ABHD12B: variants seen among roughly 807,000 people sequenced by gnomAD.
ABHD12B encodes protein ABHD12B.
A neutral mutation model predicts 50.4 loss-of-function variants in ABHD12B; 42 were observed. The observed-to-expected ratio is 0.83, with a 90% confidence interval of 0.65 to 1.08. ABHD12B has a LOEUF of 1.08. Ranked by LOEUF, ABHD12B falls within the 50% of genes least tolerant of loss-of-function variation. The pLI, the probability that ABHD12B is intolerant of heterozygous loss-of-function variation, is 0.00. For synonymous variants in ABHD12B, 167 were observed against 160.3 expected (o/e 1.04, Z -0.32); for missense variants, 479 against 447.7 (o/e 1.07, Z -0.63).
In ABHD12B at chr14:50,896,449, G is replaced by A. The variant is rs1465985176; in HGVS notation, c.781-5380G>A. 2.0e-5 allele frequency among the ~76,000 whole-genome samples: 3 copies of A among 152,204 alleles called. 1 individual carries two copies. Among genetic ancestry groups the A allele is most frequent in the South Asian group, 4.2e-4 (2 of 4,816 alleles). ...CATCCCCTGTGACTTGCACATATAC[G>A]CCCAGATGGCCTGAAGTAACTGAAG... is the stretch of plus-strand genomic sequence containing the variant. On this transcript the variant is annotated intron_variant, in intron 9 of 12. Transcript: ENST00000337334.
Position 50,872,170 on chromosome 14 carries a change from G to A in ABHD12B, c.-5G>A, listed in dbSNP as rs926666508. 5 of 1,329,626 alleles carry A rather than the reference G, an allele frequency of 3.8e-6. No individual in the cohort carries two copies. The highest frequency in any genetic ancestry group is 1.9e-5 in the South Asian group (1 of 52,838). The allele number at this position is 1,329,626 out of a possible 1,614,324, so 82.4% of individuals were successfully genotyped here. On this transcript the variant is annotated 5_prime_UTR_variant, in exon 1 of 13. Coordinates refer to ENST00000337334, the MANE Select transcript of ABHD12B (RefSeq NM_001206673.2). ...CGGTGGCGGCGTATCGGGACACGGC[G>A]CGGGATGGACGCGCAGGACTGCCAG...
intron 2 of ABHD12B, 137 bp downstream of exon 2, chr14:50,878,216 T>G (rs1312949376): frequency 2.5e-6 from 2 of 786,850 alleles, no homozygotes; most frequent in African/African-American, 3.5e-5. Flanking sequence ...TGAAACTTAT[T>G]TAATATTGAC....
chr14:50,877,411 G>C (rs747749596), intron 1 of ABHD12B, among the ~76,000 whole-genome samples: 19 of 152,182 alleles, frequency 1.2e-4, no homozygotes, highest in Non-Finnish European at 2.5e-4. Flanking sequence ...GCTACAGTAA[G>C]GGACCAAACC....
chr14:50,876,085 G>GGTTTTGA (rs1206398611), intron 1 of ABHD12B, among the ~76,000 whole-genome samples: 5 of 152,088 alleles, frequency 3.3e-5, no homozygotes, highest in South Asian at 2.1e-4. Flanking sequence ...GGCTTCTCTG[G>GGTTTTGA]GTTTTGATTT....
At chr14:50,888,200 C>T (rs1016232564) in intron 8 of ABHD12B, among the ~76,000 whole-genome samples, 1 of 80,996 alleles carries the variant, frequency 1.2e-5, no homozygotes, top group Non-Finnish European at 3.0e-5. Context: ...TAGTACTTTG[C>T]TTTCTTTCTT....
At chr14:50,882,946 G>A (rs2049978466) in intron 5 of ABHD12B, among the ~76,000 whole-genome samples, 1 of 131,658 alleles carries the variant, frequency 7.6e-6, no homozygotes, top group Non-Finnish European at 1.5e-5. Flanking sequence ...ACTGCAGCCT[G>A]AATGACAGAG....
intron 10 of ABHD12B, among the ~76,000 whole-genome samples, chr14:50,902,139 G>T (rs1390587539): frequency 2.0e-5 from 3 of 152,108 alleles, no homozygotes; most frequent in Non-Finnish European, 4.4e-5. Context: ...CACCAATTCA[G>T]TACTCTCTCT....
Position 50,880,484 on chromosome 14 carries a change from C to T in ABHD12B, c.368C>T (p.Ala123Val). The change falls in exon 4 of 13, where the codon GCC becomes GTC. Residue 123 changes from alanine to valine, a missense_variant. Transcript: ENST00000337334. Reference protein sequence around the residue: ...HTVPSCRGEDAKGKDCCWYEA... With the variant: ...HTVPSCRGEDVKGKDCCWYEA... Reference sequence around the variant, plus strand: ...GTCCCCAGCTGCCGGGGGGAAGATGCCAAGGGGAAGGACTGTTGCTGGTAT... The same window carrying T: ...GTCCCCAGCTGCCGGGGGGAAGATGTCAAGGGGAAGGACTGTTGCTGGTAT... The T allele has an allele frequency of 6.2e-7, 1 of 1,610,488 alleles. No individual in the cohort carries two copies. The highest frequency in any genetic ancestry group is 1.3e-5 in the African/African-American group (1 of 74,798).
chr14:50,904,296 G>A, intron 12 of ABHD12B, 43 bp from the exon 13 acceptor site: 8 of 1,614,040 alleles, frequency 5.0e-6, no homozygotes, highest in Non-Finnish European at 6.8e-6. Context: ...TGCTTATTTA[G>A]GTAGGGAAAG....
chr14:50,888,197 T>C (rs150006664), intron 8 of ABHD12B, among the ~76,000 whole-genome samples: 2 of 127,440 alleles, frequency 1.6e-5, no homozygotes, highest in Non-Finnish European at 3.3e-5. Flanking sequence ...CTGTAGTACT[T>C]TGCTTTCTTT....
At chr14:50,872,978 G>C (rs989871529) in intron 1 of ABHD12B, among the ~76,000 whole-genome samples, 16 of 152,148 alleles carry the variant, frequency 1.1e-4, no homozygotes, top group African/African-American at 3.4e-4. Context: ...GCAACATATT[G>C]TCAGTCTTGT....
rs1022296688 is a variant in ABHD12B, at chr14:50,888,872, G to T, written c.749G>T (p.Trp250Leu). Reference sequence around the variant, plus strand: ...TTGGAAGCTCCATTTACCAACATGTGGGTTGCAAGTATCAATTATCCCTTG... The same window carrying T: ...TTGGAAGCTCCATTTACCAACATGTTGGTTGCAAGTATCAATTATCCCTTG... ...IVLEAPFTNMWVASINYPLLK... is the reference protein window; with the variant it reads ...IVLEAPFTNMLVASINYPLLK... Residue 250 changes from tryptophan to leucine, a missense_variant, in exon 9 of 13, where the codon TGG (tryptophan) becomes TTG (leucine). Coordinates refer to ENST00000337334, the MANE Select transcript of ABHD12B (RefSeq NM_001206673.2). 3 of 1,613,834 alleles carry T rather than the reference G, an allele frequency of 1.9e-6. No individual in the cohort carries two copies. In the African/African-American group the frequency reaches 4.0e-5, roughly 22 times the overall value.
Position 50,885,597 on chromosome 14 carries a change from G to A in ABHD12B, c.487-17G>A, listed in dbSNP as rs1243786058. 1.2e-6 allele frequency: 2 copies of A among 1,614,028 alleles called. No homozygotes were observed. Among genetic ancestry groups the A allele is most frequent in the African/African-American group, 1.3e-5 (1 of 74,918 alleles). On this transcript the variant is annotated splice_polypyrimidine_tract_variant and intron_variant, in intron 5 of 12. Transcript: ENST00000337334. ...TCATCTTCTAATTAAAGTGATAACA[G>A]CTCCTTTGTTACCTAGGTGCTGAGT...
chr14:50,901,898 C>A lies in ABHD12B; in HGVS notation c.850C>A (p.Pro284Thr), dbSNP rs770292892. 2 of 1,590,064 alleles carry A rather than the reference C, an allele frequency of 1.3e-6. No individual in the cohort carries two copies. The highest frequency in any genetic ancestry group is 4.5e-5 in the East Asian group (2 of 44,244). Residue 284 changes from proline to threonine, a missense_variant, in exon 10 of 13, where the codon CCT becomes ACT. Transcript: ENST00000337334. ...CCTGAGAAAAGACAAAATAATCTTT[C>A]CTAATGATGAAAAGTAAGTTAATGA... ...DALRKDKIIF[P>T]NDENVKFLSS...
intron 1 of ABHD12B, among the ~76,000 whole-genome samples, chr14:50,874,371 C>T (rs1219973318): frequency 6.6e-6 from 1 of 152,036 alleles, no homozygotes; most frequent in Admixed American, 6.6e-5. Context: ...GAAGCCAAGG[C>T]GGGCAGATCA....
At chr14:50,880,392 C>T (rs1364217477) in intron 3 of ABHD12B, 60 bp from the exon 4 acceptor site, 15 of 1,495,576 alleles carry the variant, frequency 1.0e-5, no homozygotes, top group Admixed American at 2.3e-5. Flanking sequence ...GACTTTCGGC[C>T]TTTGGAAAGG....
chr14:50,897,574 A>G (rs2050213473), intron 9 of ABHD12B, among the ~76,000 whole-genome samples: 1 of 152,226 alleles, frequency 6.6e-6, no homozygotes, highest in South Asian at 2.1e-4. Context: ...GTATAAAGTT[A>G]ACAGGGATTT....
intron 9 of ABHD12B, among the ~76,000 whole-genome samples, chr14:50,897,968 T>G (rs1481410368): frequency 6.6e-6 from 1 of 152,160 alleles, no homozygotes; most frequent in Non-Finnish European, 1.5e-5. Context: ...AGAGAGAGGC[T>G]TTGCTCACAG....
intron 1 of ABHD12B, among the ~76,000 whole-genome samples, chr14:50,877,374 T>C (rs1786345191): frequency 6.6e-6 from 1 of 152,192 alleles, no homozygotes; most frequent in African/African-American, 2.4e-5. Context: ...CTGGTGACTT[T>C]GGGGTCCAGC....
Sources: gnomAD v4.1 joint callset for allele counts (sites outside exome capture counted in the v4.1 genomes callset) on GRCh38, gnomAD v4.1.1 for gene constraint, MANE v1.5 for transcripts, NCBI Gene and HGNC (gene_info 2026-07-23, HGNC 2026-07-21) for gene names.